The following DYNC1H1 variants were observed in gnomAD, a reference collection of about 807,000 sequenced individuals.
DYNC1H1 encodes cytoplasmic dynein 1 heavy chain 1.
Under a neutral mutation model 527.1 loss-of-function variants are expected in DYNC1H1, and 51 were observed. That is an observed-to-expected ratio of 0.10 (90% CI 0.08 to 0.12). The LOEUF is 0.12. Among genes scored for constraint, DYNC1H1 ranks in the 10% least tolerant of loss-of-function variants. The probability of loss-of-function intolerance (pLI) is 1.00; values close to 1 mark genes in which losing one functional copy is unlikely to be tolerated. For missense variants in DYNC1H1, 2,771 were observed against 5,971.8 expected, an observed-to-expected ratio of 0.46 and a Z score of 17.66; for synonymous variants, 2,189 against 2,278.8, an observed-to-expected ratio of 0.96 and a Z score of 1.12.
rs575212637 is a variant in DYNC1H1 at position 101,997,947 on chromosome 14, A to G, written c.3804+673A>G. 9.8e-5 allele frequency among the ~76,000 whole-genome samples: 15 copies of G among 152,334 alleles called. No homozygotes were observed. In the South Asian group the frequency reaches 3.1e-3, roughly 32 times the overall value. On this transcript the variant is annotated intron_variant, in intron 16 of 77. Coordinates refer to ENST00000360184, the MANE Select transcript of DYNC1H1 (RefSeq NM_001376.5). The surrounding 1 kb of genome is among the most constrained non-coding windows in gnomAD (Gnocchi z 4.8). ...GAAGCAGATGAGAGGGCGCTGGCTCAGTGGCTACTGCTGTGCCTGGGAGGG... is the reference window on the plus strand; with the variant it reads ...GAAGCAGATGAGAGGGCGCTGGCTCGGTGGCTACTGCTGTGCCTGGGAGGG...
At position 102,017,632 on chromosome 14, in the gene DYNC1H1, G is replaced by T; in HGVS notation, c.8177+128G>T. ...TACTGCTTATTGTGGATTCCTCTTG[G>T]GTTACTTCTCTGTGCTGTAATGCCA... On this transcript the variant is annotated intron_variant, in intron 40 of 77. Coordinates refer to ENST00000360184, the MANE Select transcript of DYNC1H1 (RefSeq NM_001376.5). This position sits in a 1 kb window ranked among gnomAD's most constrained non-coding sequence, Gnocchi z 4.6. 6.5e-7 allele frequency: 1 copy of T among 1,528,414 alleles called. No individual in the cohort carries two copies. The highest frequency in any genetic ancestry group is 9.0e-7 in the Non-Finnish European group (1 of 1,111,528). 94.7% of individuals were successfully genotyped at this position (1,528,414 alleles called of 1,614,324 possible).
intron 10 of DYNC1H1, among the ~76,000 whole-genome samples, chr14:101,991,129 C>T (rs571581263): frequency 3.6e-4 from 54 of 151,856 alleles, no homozygotes; most frequent in Non-Finnish European, 6.8e-4. Flanking sequence ...TGAGCCATGT[C>T]GCCATCGCAC....
At chr14:101,991,456 A>T in intron 10 of DYNC1H1, 71 bp from the exon 11 acceptor site, 1 of 1,591,780 alleles carries the variant, frequency 6.3e-7, no homozygotes, top group Non-Finnish European at 8.6e-7. Flanking sequence ...TAAGAGTGAA[A>T]CTCTGTCTTA....
At chr14:102,008,462 G>T in intron 29 of DYNC1H1, 125 bp downstream of exon 29, 1 of 1,300,224 alleles carries the variant, frequency 7.7e-7, no homozygotes, top group Non-Finnish European at 1.1e-6. Flanking sequence ...ACTGTTACAG[G>T]CAGTGTAGTG....
chr14:102,047,620 CGTGTGTGTGTGT>C, intron 72 of DYNC1H1, 185 bp from the exon 73 acceptor site: 1 of 323,338 alleles, frequency 3.1e-6, no homozygotes, highest in East Asian at 7.1e-5. Context: ...TATATATACA[CGTGTGTGTGTGT>C]GTGTGTGTGT....
At chr14:102,008,983 G>C (rs984938486) in intron 29 of DYNC1H1, among the ~76,000 whole-genome samples, 5 of 152,178 alleles carry the variant, frequency 3.3e-5, no homozygotes, top group African/African-American at 1.2e-4. Context: ...GTGTCCTCTG[G>C]TGCGGGCCCT....
At position 102,038,798 on chromosome 14, in the gene DYNC1H1, C is replaced by T; in HGVS notation, c.11156C>T (p.Ala3719Val). 6.2e-7 allele frequency: 1 copy of T among 1,614,168 alleles called. No homozygotes were observed. Among genetic ancestry groups the T allele is most frequent in the Non-Finnish European group, 8.5e-7 (1 of 1,180,040 alleles). Reference sequence around the variant, plus strand: ...CAGTGTCTAAATGAAGTACTTAAAGCAGAAAGACCTGATGTGGACGAGAAA... The same window carrying T: ...CAGTGTCTAAATGAAGTACTTAAAGTAGAAAGACCTGATGTGGACGAGAAA... Reference protein sequence around the residue: ...QSQCLNEVLKAERPDVDEKRS... With the variant: ...QSQCLNEVLKVERPDVDEKRS... Residue 3719 changes from alanine (A) to valine (V), a missense_variant, in exon 59 of 78, where the codon GCA (alanine) becomes GTA (valine). By Grantham distance (64) the Ala-to-Val change is moderately conservative. This residue lies in a region of DYNC1H1 where 283 missense variants were observed against 737.6 expected (regional missense o/e 0.38). Transcript: ENST00000360184. This position sits in a 1 kb window ranked among gnomAD's most constrained non-coding sequence, Gnocchi z 7.2.
chr14:101,968,858 A>G (rs970175750), intron 1 of DYNC1H1, among the ~76,000 whole-genome samples: 10 of 152,076 alleles, frequency 6.6e-5, no homozygotes, highest in Non-Finnish European at 1.2e-4. Flanking sequence ...CATGACATCC[A>G]GCCTGAGGAT....
At chr14:102,030,025 T>C (rs2048492873) in intron 50 of DYNC1H1, 87 bp downstream of exon 50, 1 of 1,610,132 alleles carries the variant, frequency 6.2e-7, no homozygotes. Flanking sequence ...CAAATGGGTC[T>C]TAGGGTTAGA....
Position 102,041,975 on chromosome 14 carries a change from G to A in DYNC1H1, c.12103-38G>A, listed in dbSNP as rs1332834493. 1 of 1,602,940 alleles carries A rather than the reference G, an allele frequency of 6.2e-7. No individual in the cohort carries two copies. The highest frequency in any genetic ancestry group is 1.1e-5 in the South Asian group (1 of 90,796). On this transcript the variant is annotated intron_variant, in intron 65 of 77. Coordinates refer to ENST00000360184, the MANE Select transcript of DYNC1H1 (RefSeq NM_001376.5). The surrounding 1 kb of genome is among the most constrained non-coding windows in gnomAD (Gnocchi z 4.5). ...TTCCCTTGACAGGTACACACTATTTGCTGGCACTGTAATAACTTCTGCCTT... is the reference window on the plus strand; with the variant it reads ...TTCCCTTGACAGGTACACACTATTTACTGGCACTGTAATAACTTCTGCCTT...
Position 102,052,218 on chromosome 14 carries a change from C to CAACCTCCCGGGCTCAAGTG in DYNC1H1, c.*1657_*1675dup. Reference sequence around the variant, plus strand: ...GCGTGACCATGGCTCACTGCAGCCTCAACCTCCCGGGCTCAAGTGATCCTC... The same window carrying CAACCTCCCGGGCTCAAGTG: ...GCGTGACCATGGCTCACTGCAGCCTCAACCTCCCGGGCTCAAGTGAACCTCCCGGGCTCAAGTGATCCTC... On this transcript the variant is annotated 3_prime_UTR_variant, in exon 78 of 78. Coordinates refer to ENST00000360184, the MANE Select transcript of DYNC1H1 (RefSeq NM_001376.5). The CAACCTCCCGGGCTCAAGTG allele has an allele frequency of 6.6e-6, 1 of 152,580 alleles. No homozygotes were observed. Among genetic ancestry groups the CAACCTCCCGGGCTCAAGTG allele is most frequent in the Non-Finnish European group, 1.5e-5 (1 of 68,292 alleles). 9.5% of individuals were successfully genotyped at this position (152,580 alleles called of 1,614,324 possible). A position where few individuals can be genotyped will look rare whatever the true frequency, so the allele number is the denominator to read the frequency against.
At position 102,017,604 on chromosome 14, in the gene DYNC1H1, C is replaced by T. The variant is rs2048338152; in HGVS notation, c.8177+100C>T. ...AACCTGGTTTTGATAATAAAGACAA[C>T]AATACTGCTTATTGTGGATTCCTCT... is the stretch of plus-strand genomic sequence containing the variant. On this transcript the variant is annotated intron_variant, in intron 40 of 77. Transcript: ENST00000360184. This position sits in a 1 kb window ranked among gnomAD's most constrained non-coding sequence, Gnocchi z 4.6. The T allele has an allele frequency of 5.0e-6, 8 of 1,585,408 alleles. No homozygotes were observed. In the East Asian group the frequency reaches 6.7e-5, roughly 13 times the overall value.
intron 2 of DYNC1H1, among the ~76,000 whole-genome samples, chr14:101,978,053 AT>A (rs928992807): frequency 5.3e-5 from 8 of 151,254 alleles, no homozygotes; most frequent in South Asian, 4.2e-4. Context: ...CACCTGGCTA[AT>A]TTTTTTTTCT....
rs2048126428 is a variant in DYNC1H1, at chr14:102,001,175, G to A, written c.4216G>A (p.Glu1406Lys). ...TATGCTGGTGATTGAACTGAAATCC[G>A]AAGCACTTAAAGACCGCCATTGGAA... is the stretch of plus-strand genomic sequence containing the variant. ...INMLVIELKS[E>K]ALKDRHWKQL... The change falls in exon 20 of 78, where the codon GAA becomes AAA. Residue 1406 changes from glutamate to lysine, a missense_variant. Transcript: ENST00000360184. This position sits in a 1 kb window ranked among gnomAD's most constrained non-coding sequence, Gnocchi z 5.0. The A allele has an allele frequency of 1.2e-6, 2 of 1,614,156 alleles. No homozygotes were observed. The highest frequency in any genetic ancestry group is 1.7e-6 in the Non-Finnish European group (2 of 1,180,034).
At position 102,016,580 on chromosome 14, in the gene DYNC1H1, CT is replaced by C; in HGVS notation, c.7614+95del. ...AGCTGACCATGGACCTTGGCTTCGT[CT>C]TTTCATTTTATTCCATTTCATAGAA... On this transcript the variant is annotated intron_variant, in intron 37 of 77. Coordinates refer to ENST00000360184, the MANE Select transcript of DYNC1H1 (RefSeq NM_001376.5). The surrounding 1 kb of genome is among the most constrained non-coding windows in gnomAD (Gnocchi z 7.3). 6.2e-7 allele frequency: 1 copy of C among 1,609,252 alleles called. No homozygotes were observed. Among genetic ancestry groups the C allele is most frequent in the Non-Finnish European group, 8.5e-7 (1 of 1,176,430 alleles).
intron 76 of DYNC1H1, 50 bp from the exon 77 acceptor site, chr14:102,050,021 G>T: frequency 6.2e-7 from 1 of 1,614,224 alleles, no homozygotes; most frequent in Non-Finnish European, 8.5e-7. Flanking sequence ...ACTGGGGTTT[G>T]TGTAGCTGTT....
At chr14:102,003,028 T>G (rs1234177988) in intron 23 of DYNC1H1, 63 bp downstream of exon 23, 1 of 1,604,792 alleles carries the variant, frequency 6.2e-7, no homozygotes, top group Non-Finnish European at 8.5e-7. Flanking sequence ...ATTTTTCCAG[T>G]GATCTTCTTT....
In DYNC1H1 at chr14:102,027,022, C is replaced by A. The variant is rs1451738811; in HGVS notation, c.8772-152C>A. On this transcript the variant is annotated intron_variant, in intron 44 of 77. Coordinates refer to ENST00000360184, the MANE Select transcript of DYNC1H1 (RefSeq NM_001376.5). The surrounding 1 kb of genome is among the most constrained non-coding windows in gnomAD (Gnocchi z 7.7). ...GTGTCTTACTGGTCTTTGCATTCCTCCTGGACTTCACAAATAACAGTTGCT... is the reference window on the plus strand; with the variant it reads ...GTGTCTTACTGGTCTTTGCATTCCTACTGGACTTCACAAATAACAGTTGCT... 1.0e-6 allele frequency: 1 copy of A among 982,946 alleles called. No individual in the cohort carries two copies. Among genetic ancestry groups the A allele is most frequent in the Non-Finnish European group, 1.6e-6 (1 of 617,166 alleles). 60.9% of individuals were successfully genotyped at this position (982,946 alleles called of 1,614,324 possible). A position where few individuals can be genotyped will look rare whatever the true frequency, so the allele number is the denominator to read the frequency against.
chr14:102,027,295 C>A lies in DYNC1H1; in HGVS notation c.8886+7C>A. 1 of 1,614,092 alleles carries A rather than the reference C, an allele frequency of 6.2e-7. No individual in the cohort carries two copies. The highest frequency in any genetic ancestry group is 8.5e-7 in the Non-Finnish European group (1 of 1,180,034). ...GAGTGTGTACCAGATTAAGGTGCGT[C>A]TGGTCGGTGGCCTCTTAATCCCAGC... On this transcript the variant is annotated splice_region_variant and intron_variant, in intron 45 of 77. Coordinates refer to ENST00000360184, the MANE Select transcript of DYNC1H1 (RefSeq NM_001376.5). This position sits in a 1 kb window ranked among gnomAD's most constrained non-coding sequence, Gnocchi z 7.7.
Sources: allele counts gnomAD v4.1 joint callset (sites outside exome capture counted in the v4.1 genomes callset), GRCh38; gene constraint gnomAD v4.1.1; regional missense constraint gnomAD v4.1.1; non-coding constraint Gnocchi (gnomAD v3.1); transcripts MANE v1.5; gene names NCBI Gene and HGNC (gene_info 2026-07-23, HGNC 2026-07-21).